Variants in CHST13 observed in about 807,000 individuals in gnomAD.
CHST13 encodes the protein carbohydrate sulfotransferase 13.
Under a neutral mutation model 7.0 loss-of-function variants are expected in CHST13, and 1 was observed. That is an observed-to-expected ratio of 0.14 (90% CI 0.05 to 0.68). CHST13 has a LOEUF of 0.68. Among genes scored for constraint, CHST13 ranks in the 30% least tolerant of loss-of-function variants. CHST13 has a pLI of 0.82. For synonymous variants in CHST13, 257 were observed against 240.9 expected, an observed-to-expected ratio of 1.07 and a Z score of -0.62; for missense variants, 572 against 507.9, an observed-to-expected ratio of 1.13 and a Z score of -1.21.
chr3:126,539,431 G>A (rs990407355), intron 2 of CHST13, among the ~76,000 whole-genome samples: 2 of 151,676 alleles, frequency 1.3e-5, no homozygotes, highest in Non-Finnish European at 2.9e-5. Flanking sequence ...GTGCAGGAGC[G>A]TACATGGACA....
chr3:126,529,304 G>A, intron 1 of CHST13: 6 of 1,288,882 alleles, frequency 4.7e-6, no homozygotes, highest in Non-Finnish European at 6.1e-6. Flanking sequence ...ATGGCCTTGA[G>A]CAGCTCTCTC....
rs1936979191 is a variant in CHST13 at position 126,542,255 on chromosome 3, C to CCGCGCA, written c.708_713dup (p.Thr237_Arg238dup). ...GGAGTTCCTGGCCTACCTGCTGGACCCGCGCACGCGGCGTGAGGAGCCCTT... is the reference window on the plus strand; with the variant it reads ...GGAGTTCCTGGCCTACCTGCTGGACCCGCGCACGCGCACGCGGCGTGAGGAGCCCTT... On this transcript the variant is annotated inframe_insertion, in exon 3 of 3. Transcript: ENST00000319340. 1 of 1,545,504 alleles carries CCGCGCA rather than the reference C, an allele frequency of 6.5e-7. No individual in the cohort carries two copies. The highest frequency in any genetic ancestry group is 8.7e-7 in the Non-Finnish European group (1 of 1,152,964).
rs1051179772 is a variant in CHST13 at position 126,543,145 on chromosome 3, C to G, written c.*567C>G. On this transcript the variant is annotated 3_prime_UTR_variant, in exon 3 of 3. Transcript: ENST00000319340. ...CCACGCGGCTGGCCCTACCCAGGCG[C>G]CACCTTCGGTCTCAGTCTGGCAAGA... 6 of 152,252 alleles carry G rather than the reference C, an allele frequency of 3.9e-5. No individual in the cohort carries two copies. Among genetic ancestry groups the G allele is most frequent in the Admixed American group, 3.9e-4 (6 of 15,292 alleles). 9.4% of individuals were successfully genotyped at this position (152,252 alleles called of 1,614,324 possible).
At position 126,528,979 on chromosome 3, in the gene CHST13, G is replaced by A. The variant is rs73859517; in HGVS notation, c.97+4550G>A. On this transcript the variant is annotated intron_variant, in intron 1 of 2. Transcript: ENST00000319340. ...CGTGGGAACCTATGCCTGCTGGCAG[G>A]AGCTTGCTGGGGCCTGGCTGCCCTG... Among the ~76,000 whole-genome samples, 865 of 152,338 alleles carry A rather than the reference G, an allele frequency of 5.7e-3. 10 individuals carry two copies. Among genetic ancestry groups the A allele is most frequent in the African/African-American group, 0.02 (811 of 41,578 alleles).
intron 1 of CHST13, among the ~76,000 whole-genome samples, chr3:126,532,286 AT>A (rs1362687862): frequency 3.3e-5 from 5 of 152,274 alleles, no homozygotes; most frequent in Non-Finnish European, 7.4e-5. Context: ...CAATTTATCT[AT>A]TTTTTAAAAT....
In CHST13 at chr3:126,542,326, C is replaced by T; in HGVS notation, c.774C>T (p.Arg258=). 3 of 1,568,522 alleles carry T rather than the reference C, an allele frequency of 1.9e-6. No individual in the cohort carries two copies. The highest frequency in any genetic ancestry group is 1.2e-5 in the South Asian group (1 of 86,254). ...ERAHALCHPC[R]LRYDVVGKFE... ...CGCACGCGCTCTGCCACCCGTGTCGCCTCCGCTACGACGTCGTGGGCAAGT... is the reference window on the plus strand; with the variant it reads ...CGCACGCGCTCTGCCACCCGTGTCGTCTCCGCTACGACGTCGTGGGCAAGT... The change falls in exon 3 of 3, where the codon CGC becomes CGT. Residue 258 remains arginine, a synonymous_variant. Transcript: ENST00000319340.
rs1255089955 is a variant in CHST13, at chr3:126,524,180, G to C, written c.-153G>C. 5 of 449,400 alleles carry C rather than the reference G, an allele frequency of 1.1e-5. No individual in the cohort carries two copies. In the East Asian group the frequency reaches 2.1e-4, roughly 19 times the overall value. The allele number at this position is 449,400 out of a possible 1,614,324, so 27.8% of individuals were successfully genotyped here. On this transcript the variant is annotated 5_prime_UTR_variant, in exon 1 of 3. Transcript: ENST00000319340. ...AGTCCCCAGCGACTCGCAGGGGCTG[G>C]TGGGGCTGGGGTCCAGCTGCCGTGC...
intron 1 of CHST13, 138 bp from the exon 2 acceptor site, chr3:126,536,133 C>T (rs1321902792): frequency 4.5e-6 from 3 of 671,012 alleles, no homozygotes; most frequent in Admixed American, 2.3e-5. Flanking sequence ...CCACCAAGCC[C>T]CTAGGAGGTA....
chr3:126,525,476 T>C (rs1330653334), intron 1 of CHST13, among the ~76,000 whole-genome samples: 1 of 152,114 alleles, frequency 6.6e-6, no homozygotes. Context: ...AGGTCAGACC[T>C]GGATGCCTCC....
In CHST13 at chr3:126,542,817, T is replaced by A. The variant is rs1364192721; in HGVS notation, c.*239T>A. The A allele has an allele frequency of 2.2e-6, 1 of 451,212 alleles. No individual in the cohort carries two copies. Among genetic ancestry groups the A allele is most frequent in the East Asian group, 4.0e-5 (1 of 25,164 alleles). The allele number at this position is 451,212 out of a possible 1,614,324, so 28.0% of individuals were successfully genotyped here. ...CCTGAGGCCTGCTTCCTCCACTTGC[T>A]CCAGCTGACAGGCACCTCTCCAGGC... is the stretch of plus-strand genomic sequence containing the variant. On this transcript the variant is annotated 3_prime_UTR_variant, in exon 3 of 3. Transcript: ENST00000319340.
chr3:126,530,569 A>G (rs550754903), intron 1 of CHST13, among the ~76,000 whole-genome samples: 4 of 152,304 alleles, frequency 2.6e-5, no homozygotes, highest in Admixed American at 1.3e-4. Context: ...ACACGGCGAG[A>G]AGGCCTGGCC....
In CHST13 at chr3:126,541,744, G is replaced by T; in HGVS notation, c.192G>T (p.Ser64=). The change falls in exon 3 of 3, where the codon TCG becomes TCT. Residue 64 remains serine (S), a synonymous_variant. Transcript: ENST00000319340. ...KLYDLDQDPR[S]TLAKVHRQRR... ...CCTGTCGCCCACAGGACCCGCGCTC[G>T]ACCCTGGCGAAGGTGCACCGGCAGC... The T allele has an allele frequency of 2.0e-6, 3 of 1,485,808 alleles. No homozygotes were observed. The East Asian group carries it at 7.9e-5, about 39-fold the overall frequency. The allele number at this position is 1,485,808 out of a possible 1,614,324, so 92.0% of individuals were successfully genotyped here. A position where few individuals can be genotyped will look rare whatever the true frequency, so the allele number is the denominator to read the frequency against.
intron 1 of CHST13, among the ~76,000 whole-genome samples, chr3:126,528,204 G>A (rs116617245): frequency 6.6e-6 from 1 of 152,052 alleles, no homozygotes; most frequent in African/African-American, 2.4e-5. Flanking sequence ...CTAAGTTGGG[G>A]CTCAGTCATG....
chr3:126,542,381 G>T lies in CHST13; in HGVS notation c.829G>T (p.Val277Leu). ...FETLAEDAAF[V>L]LGLAGASDLS... is the part of the protein sequence containing the mutation. ...GACGCTGGCGGAGGACGCGGCCTTC[G>T]TGCTGGGCCTGGCGGGCGCATCCGA... Residue 277 changes from valine (V) to leucine (L), a missense_variant, in exon 3 of 3, where the codon GTG becomes TTG. Coordinates refer to ENST00000319340, the MANE Select transcript of CHST13 (RefSeq NM_152889.3). 2 of 1,559,632 alleles carry T rather than the reference G, an allele frequency of 1.3e-6. No homozygotes were observed. Among genetic ancestry groups the T allele is most frequent in the East Asian group, 2.5e-5 (1 of 40,684 alleles).
intron 1 of CHST13, among the ~76,000 whole-genome samples, chr3:126,533,602 A>G (rs955758668): frequency 2.0e-5 from 3 of 152,072 alleles, no homozygotes; most frequent in African/African-American, 7.2e-5. Flanking sequence ...AAACTTTTTC[A>G]TAGGATGTTA....
intron 1 of CHST13, among the ~76,000 whole-genome samples, chr3:126,528,080 T>TGCAGAGAA (rs1936572607): frequency 6.6e-6 from 1 of 151,002 alleles, no homozygotes; most frequent in South Asian, 2.1e-4. Flanking sequence ...GCAGAAGGAA[T>TGCAGAGAA]GGCACAGAGA....
chr3:126,540,148 G>A (rs890894411), intron 2 of CHST13, among the ~76,000 whole-genome samples: 1 of 151,920 alleles, frequency 6.6e-6, no homozygotes, highest in Non-Finnish European at 1.5e-5. Flanking sequence ...TCCCAAGCAG[G>A]CCCTGGCTCT....
At chr3:126,536,892 C>A (rs1560140775) in intron 2 of CHST13, among the ~76,000 whole-genome samples, 1 of 123,372 alleles carries the variant, frequency 8.1e-6, no homozygotes, top group Admixed American at 7.8e-5. Flanking sequence ...CACACACACA[C>A]ACAAACACAC....
chr3:126,524,499 G>T, intron 1 of CHST13, 70 bp downstream of exon 1: 2 of 494,832 alleles, frequency 4.0e-6, no homozygotes, highest in South Asian at 2.0e-4. Context: ...ACCGCGGCCT[G>T]ACCCCTCGAC....
Sources: allele counts gnomAD v4.1 joint callset (sites outside exome capture counted in the v4.1 genomes callset), GRCh38; gene constraint gnomAD v4.1.1; transcripts MANE v1.5; gene names NCBI Gene and HGNC (gene_info 2026-07-23, HGNC 2026-07-21).